Variants in DET1 observed in about 807,000 individuals in gnomAD.
DET1 encodes the protein DET1 homolog.
A neutral mutation model predicts 43.7 loss-of-function variants in DET1; 22 were observed. The ratio of observed to expected loss-of-function variants is 0.50; its 90% CI spans 0.36 to 0.72. The LOEUF (loss-of-function observed/expected upper bound fraction) is 0.72, where lower values mean the gene tolerates loss of function less well. Ranked by LOEUF, DET1 falls within the 30% of genes least tolerant of loss-of-function variation. The pLI is 0.00. For missense variants in DET1, 713 were observed against 713.3 expected, an observed-to-expected ratio of 1.00 and a Z score of 0.00; for synonymous variants, 315 against 266.2, an observed-to-expected ratio of 1.18 and a Z score of -1.79.
chr15:88,538,483 C>T (rs923321730), intron 1 of DET1, among the ~76,000 whole-genome samples: 4 of 151,118 alleles, frequency 2.6e-5, no homozygotes, highest in African/African-American at 9.8e-5. Context: ...TTAACTAGAC[C>T]CCCCCTCCCC....
At chr15:88,544,606 C>T (rs944526349) in intron 1 of DET1, among the ~76,000 whole-genome samples, 8 of 152,174 alleles carry the variant, frequency 5.3e-5, no homozygotes, top group Admixed American at 3.3e-4. Context: ...GAAACAAGGA[C>T]TCACTCCTGC....
In DET1 at chr15:88,531,678, G is replaced by A. The variant is rs770818295; in HGVS notation, c.28C>T (p.Pro10Ser). The change falls in exon 2 of 5, where the codon CCT (proline) becomes TCT (serine). Residue 10 changes from proline to serine, a missense_variant. Pro to Ser is a moderately conservative substitution (Grantham distance 74). Coordinates refer to ENST00000268148, the MANE Select transcript of DET1 (RefSeq NM_001144074.3). The surrounding 1 kb of genome is among the most constrained non-coding windows in gnomAD (Gnocchi z 6.2). MDHHVSTIK[P>S]RRIQNQNVIH... ...ACATTTTGGTTTTGGATTCTTCGAG[G>A]CTTGATGGTAGAAACATGATGATCC... is the stretch of plus-strand genomic sequence containing the variant. The A allele has an allele frequency of 6.2e-7, 1 of 1,610,506 alleles. No individual in the cohort carries two copies. Among genetic ancestry groups the A allele is most frequent in the Admixed American group, 1.7e-5 (1 of 59,986 alleles).
chr15:88,538,430 T>C (rs1369986877), intron 1 of DET1, among the ~76,000 whole-genome samples: 1 of 151,186 alleles, frequency 6.6e-6, no homozygotes, highest in Non-Finnish European at 1.5e-5. Flanking sequence ...TGTAACCATT[T>C]ATCCTTTTAA....
At position 88,539,908 on chromosome 15, in the gene DET1, T is replaced by A. The variant is rs573266797; in HGVS notation, c.-11+6632A>T. Among the ~76,000 whole-genome samples the A allele has an allele frequency of 3.3e-5, 5 of 152,310 alleles. No individual in the cohort carries two copies. The South Asian group carries it at 8.3e-4, about 25-fold the overall frequency. ...CAGATTTCCTTGCTCACCTTTTTTG[T>A]CATTCTGTAACTTTTCCTGTGCCCT... is the stretch of plus-strand genomic sequence containing the variant. On this transcript the variant is annotated intron_variant, in intron 1 of 4. Coordinates refer to ENST00000268148, the MANE Select transcript of DET1 (RefSeq NM_001144074.3).
intron 4 of DET1, among the ~76,000 whole-genome samples, chr15:88,514,067 G>A (rs2056277494): frequency 6.7e-6 from 1 of 149,872 alleles, no homozygotes; most frequent in East Asian, 1.9e-4. Context: ...CCAAAGTGCT[G>A]GGATTACAGG....
intron 3 of DET1, among the ~76,000 whole-genome samples, chr15:88,522,512 G>GTTTTTTGTTTTTTTTTTT (rs759224241): frequency 1.2e-5 from 1 of 80,258 alleles, no homozygotes; most frequent in Non-Finnish European, 2.3e-5. Context: ...AATGTTCCTG[G>GTTTTTTGTTTTTTTTTTT]TTTTTTTTTT....
At chr15:88,536,362 C>A in intron 1 of DET1, 1 of 778,150 alleles carries the variant, frequency 1.3e-6, no homozygotes, top group Admixed American at 1.7e-5. Flanking sequence ...TGGTCTAATT[C>A]CTTGCTGTAT....
chr15:88,539,406 A>ATCTGACTGATCCC (rs2057040946), intron 1 of DET1, among the ~76,000 whole-genome samples: 1 of 147,940 alleles, frequency 6.8e-6, no homozygotes. Flanking sequence ...CCAGGTGGGC[A>ATCTGACTGATCCC]TCTGACTGAT....
chr15:88,541,496 G>A (rs1296878778), intron 1 of DET1, among the ~76,000 whole-genome samples: 2 of 152,136 alleles, frequency 1.3e-5, no homozygotes, highest in Admixed American at 6.5e-5. Flanking sequence ...ACCCACAGGT[G>A]TGTAGGGGCA....
chr15:88,530,970 G>A lies in DET1; in HGVS notation c.736C>T (p.Pro246Ser), dbSNP rs2056796154. 6.2e-7 allele frequency: 1 copy of A among 1,613,984 alleles called. No homozygotes were observed. Among genetic ancestry groups the A allele is most frequent in the Non-Finnish European group, 8.5e-7 (1 of 1,179,880 alleles). ...QQTIHVFQVTPEGTFIDVRTI... is the reference protein window; with the variant it reads ...QQTIHVFQVTSEGTFIDVRTI... ...CGCACATCAATGAAAGTGCCTTCAGGAGTCACCTGGAAGACATGGATGGTC... is the reference window on the plus strand; with the variant it reads ...CGCACATCAATGAAAGTGCCTTCAGAAGTCACCTGGAAGACATGGATGGTC... The change falls in exon 2 of 5, where the codon CCT (proline) becomes TCT (serine). Residue 246 changes from proline to serine, a missense_variant. Physicochemically the swap from Pro to Ser is moderately conservative, Grantham distance 74 (BLOSUM62 -1). Transcript: ENST00000268148.
intron 3 of DET1, among the ~76,000 whole-genome samples, chr15:88,520,406 G>A (rs2056458668): frequency 6.6e-6 from 1 of 152,136 alleles, no homozygotes; most frequent in South Asian, 2.1e-4. Flanking sequence ...GGTCACCAAT[G>A]ACCTGCACAT....
rs576879515 is a variant in DET1, at chr15:88,531,120, T to C, written c.586A>G (p.Ile196Val). The C allele has an allele frequency of 7.4e-5, 120 of 1,613,856 alleles. 2 individuals are homozygous for C. In the South Asian group the frequency reaches 1.3e-3, roughly 17 times the overall value. Reference sequence around the variant, plus strand: ...CATAAGCGGCCGGTGTGAAGGTCAATGATATGGAGGGAATAGTCTTCTAGA... The same window carrying C: ...CATAAGCGGCCGGTGTGAAGGTCAACGATATGGAGGGAATAGTCTTCTAGA... ...SPLEDYSLHI[I>V]DLHTGRLCDT... The change falls in exon 2 of 5, where the codon ATT becomes GTT. Residue 196 changes from isoleucine to valine, a missense_variant. Transcript: ENST00000268148. The surrounding 1 kb of genome is among the most constrained non-coding windows in gnomAD (Gnocchi z 6.2).
At chr15:88,533,923 C>T (rs1016469551) in intron 1 of DET1, among the ~76,000 whole-genome samples, 1 of 126,942 alleles carries the variant, frequency 7.9e-6, no homozygotes, top group Non-Finnish European at 1.7e-5. Flanking sequence ...GAATCAAATT[C>T]ACAGAAACAA....
At position 88,531,025 on chromosome 15, in the gene DET1, G is replaced by A; in HGVS notation, c.681C>T (p.Asn227=). ...GTTGCACAGACAAGATGGCCAGGAT[G>A]TTTTTGTACAAGTACAGCCCTTGGT... The part of the protein sequence containing the change: ...SHNQGLYLYK[N]ILAILSVQQQ... Residue 227 remains asparagine, a synonymous_variant, in exon 2 of 5, where the codon AAC becomes AAT. Coordinates refer to ENST00000268148, the MANE Select transcript of DET1 (RefSeq NM_001144074.3). The surrounding 1 kb of genome is among the most constrained non-coding windows in gnomAD (Gnocchi z 6.2). 1 of 1,613,484 alleles carries A rather than the reference G, an allele frequency of 6.2e-7. No individual in the cohort carries two copies. Among genetic ancestry groups the A allele is most frequent in the African/African-American group, 1.3e-5 (1 of 75,034 alleles).
intron 1 of DET1, among the ~76,000 whole-genome samples, chr15:88,544,251 A>G (rs1333754316): frequency 6.6e-6 from 1 of 152,086 alleles, no homozygotes; most frequent in Non-Finnish European, 1.5e-5. Flanking sequence ...CATGAACCGC[A>G]CCCTAAAAAG....
At chr15:88,527,473 T>G in intron 3 of DET1, 126 bp downstream of exon 3, 1 of 804,664 alleles carries the variant, frequency 1.2e-6, no homozygotes, top group Non-Finnish European at 1.8e-6. Context: ...AACAAGGGGT[T>G]ATAATAAGCA....
intron 7 of DET1, among the ~76,000 whole-genome samples, chr15:88,506,477 T>C (rs2056143040): frequency 6.6e-6 from 1 of 151,960 alleles, no homozygotes; most frequent in Non-Finnish European, 1.5e-5. Context: ...GGGTATATAC[T>C]GAGCAGATAA....
At chr15:88,538,502 C>T (rs565657858) in intron 1 of DET1, among the ~76,000 whole-genome samples, 1 of 151,844 alleles carries the variant, frequency 6.6e-6, no homozygotes, top group East Asian at 1.9e-4. Context: ...CCTTCCTAAA[C>T]CAAGGTATAA....
rs763270394 is a variant in DET1 at position 88,531,061 on chromosome 15, G to A, written c.645C>T (p.Val215=). ...AGTACAGCCCTTGGTTGTGTGACAA[G>A]ACCACCTTGTCACACTTGAACGTGC... ...DTRTFKCDKV[V]LSHNQGLYLY... is the part of the protein sequence containing the mutation. Residue 215 remains valine (V), a synonymous_variant, in exon 2 of 5, where the codon GTC becomes GTT. Coordinates refer to ENST00000268148, the MANE Select transcript of DET1 (RefSeq NM_001144074.3). The surrounding 1 kb of genome is among the most constrained non-coding windows in gnomAD (Gnocchi z 6.2). 29 of 1,613,740 alleles carry A rather than the reference G, an allele frequency of 1.8e-5. No individual in the cohort carries two copies. Among genetic ancestry groups the A allele is most frequent in the Admixed American group, 1.3e-4 (8 of 59,982 alleles).
Sources: allele counts gnomAD v4.1 joint callset (sites outside exome capture counted in the v4.1 genomes callset), GRCh38; gene constraint gnomAD v4.1.1; non-coding constraint Gnocchi (gnomAD v3.1); transcripts MANE v1.5; gene names NCBI Gene and HGNC (gene_info 2026-07-23, HGNC 2026-07-21).